Variants in SLC24A3 observed in about 807,000 individuals in gnomAD.
The protein encoded by SLC24A3 is solute carrier family 24 member 3.
In SLC24A3, 28 loss-of-function variants were observed where a neutral mutation model predicts 75.8. The ratio of observed to expected loss-of-function variants is 0.37; its 90% CI spans 0.27 to 0.51. SLC24A3 has a LOEUF of 0.51. SLC24A3 is among the 20% of genes least tolerant of loss of function. The probability of loss-of-function intolerance (pLI) is 0.94; values close to 1 mark genes in which losing one functional copy is unlikely to be tolerated. For synonymous variants in SLC24A3, 372 were observed against 334.1 expected (o/e 1.11, Z -1.24); for missense variants, 663 against 847.8 (o/e 0.78, Z 2.71).
At chr20:19,254,576 G>A (rs574954261) in intron 1 of SLC24A3, among the ~76,000 whole-genome samples, 16 of 152,256 alleles carry the variant, frequency 1.1e-4, no homozygotes, top group Admixed American at 8.5e-4. Context: ...TATAACACGC[G>A]TGATGACAAG....
intron 12 of SLC24A3, among the ~76,000 whole-genome samples, chr20:19,689,116 T>C (rs985084318): frequency 3.3e-5 from 5 of 152,186 alleles, no homozygotes; most frequent in African/African-American, 7.2e-5. Context: ...GGTAAACACA[T>C]TTCCATGGGA....
intron 6 of SLC24A3, among the ~76,000 whole-genome samples, chr20:19,626,922 A>G (rs1214255241): frequency 6.6e-6 from 1 of 152,250 alleles, no homozygotes; most frequent in Admixed American, 6.5e-5. Flanking sequence ...AAAAGATCAC[A>G]GTGGAAAGTC....
At chr20:19,471,679 C>G (rs971276376) in intron 2 of SLC24A3, among the ~76,000 whole-genome samples, 1 of 152,150 alleles carries the variant, frequency 6.6e-6, no homozygotes, top group Non-Finnish European at 1.5e-5. Flanking sequence ...GCCCATCACT[C>G]TGTCGGGGAA....
At chr20:19,672,507 T>C (rs2032480300) in intron 8 of SLC24A3, among the ~76,000 whole-genome samples, 2 of 152,174 alleles carry the variant, frequency 1.3e-5, no homozygotes, top group Admixed American at 1.3e-4. Flanking sequence ...GGCTAATTTT[T>C]TAATTTTTTT....
intron 2 of SLC24A3, among the ~76,000 whole-genome samples, chr20:19,383,414 C>T (rs6106068): frequency 6.6e-6 from 1 of 152,020 alleles, no homozygotes; most frequent in East Asian, 1.9e-4. Flanking sequence ...AGGCAAAAAC[C>T]GAATGACCAT....
At chr20:19,668,743 A>G (rs895791924) in intron 8 of SLC24A3, among the ~76,000 whole-genome samples, 2 of 152,206 alleles carry the variant, frequency 1.3e-5, no homozygotes, top group Admixed American at 1.3e-4. Context: ...TGATTTTAGT[A>G]GCAGGTACTA....
chr20:19,251,361 A>G (rs1982648312), intron 1 of SLC24A3, among the ~76,000 whole-genome samples: 1 of 152,228 alleles, frequency 6.6e-6, no homozygotes, highest in South Asian at 2.1e-4. Flanking sequence ...CAGACAGGGA[A>G]GAAAAGTAAG....
At chr20:19,696,214 T>TC (rs2032804418) in intron 13 of SLC24A3, 2 of 152,176 alleles carry the variant, frequency 1.3e-5, no homozygotes, top group African/African-American at 4.8e-5. Context: ...AGACAAGGTC[T>TC]CACTATGTTG....
chr20:19,576,406 A>G (rs1358842587), intron 3 of SLC24A3, among the ~76,000 whole-genome samples: 1 of 152,066 alleles, frequency 6.6e-6, no homozygotes, highest in East Asian at 1.9e-4. Flanking sequence ...TGCTGCAGGA[A>G]CCTGTTTTCC....
intron 2 of SLC24A3, among the ~76,000 whole-genome samples, chr20:19,303,718 C>T (rs756799928): frequency 4.0e-4 from 61 of 152,036 alleles, no homozygotes; most frequent in Middle Eastern, 3.2e-3. Context: ...TAGAGGAGAC[C>T]GTAAATGTTC....
intron 2 of SLC24A3, among the ~76,000 whole-genome samples, chr20:19,354,839 A>C (rs1398124120): frequency 6.6e-6 from 1 of 152,104 alleles, no homozygotes; most frequent in Non-Finnish European, 1.5e-5. Context: ...TGGTACAGCT[A>C]CCTTGGAAAA....
At chr20:19,280,664 A>G (rs1157362286) in intron 1 of SLC24A3, among the ~76,000 whole-genome samples, 1 of 152,162 alleles carries the variant, frequency 6.6e-6, no homozygotes, top group African/African-American at 2.4e-5. Flanking sequence ...GGGAGCAGGG[A>G]ATTGAGACAG....
At chr20:19,603,451 G>A (rs139787246) in intron 6 of SLC24A3, among the ~76,000 whole-genome samples, 1 of 152,290 alleles carries the variant, frequency 6.6e-6, no homozygotes, top group East Asian at 1.9e-4. Flanking sequence ...GCCGGCTCTT[G>A]GTGCTCACGT....
At chr20:19,518,894 T>C (rs1568642241) in intron 3 of SLC24A3, among the ~76,000 whole-genome samples, 1 of 152,150 alleles carries the variant, frequency 6.6e-6, no homozygotes, top group Non-Finnish European at 1.5e-5. Flanking sequence ...CTAGGGAATA[T>C]CCAGAAGGGA....
intron 12 of SLC24A3, among the ~76,000 whole-genome samples, chr20:19,691,118 A>G (rs926195768): frequency 3.3e-5 from 5 of 152,260 alleles, no homozygotes; most frequent in African/African-American, 1.2e-4. Context: ...GAGACTGAAA[A>G]TAAATTAAGA....
chr20:19,217,505 T>C (rs1295648342), intron 1 of SLC24A3, among the ~76,000 whole-genome samples: 1 of 152,230 alleles, frequency 6.6e-6, no homozygotes, highest in East Asian at 1.9e-4. Flanking sequence ...CATGAAAATA[T>C]TGCTGCTTAT....
intron 2 of SLC24A3, among the ~76,000 whole-genome samples, chr20:19,482,333 TC>T (rs1481169696): frequency 6.6e-6 from 1 of 151,992 alleles, no homozygotes; most frequent in Admixed American, 6.6e-5. Flanking sequence ...TTGTCCTCCC[TC>T]CCCCAGGCTT....
chr20:19,632,763 T>A (rs75334880), intron 6 of SLC24A3, among the ~76,000 whole-genome samples: 7,897 of 152,162 alleles, frequency 0.052, 291 homozygotes, highest in Non-Finnish European at 0.067. Flanking sequence ...AGAATAGGTG[T>A]CCCTGACAAC....
chr20:19,475,058 G>A (rs940851243), intron 2 of SLC24A3, among the ~76,000 whole-genome samples: 2 of 152,196 alleles, frequency 1.3e-5, no homozygotes, highest in African/African-American at 4.8e-5. Flanking sequence ...TCACATCCAG[G>A]CTGGGCGCGG....
Sources: gnomAD v4.1 joint callset for allele counts (sites outside exome capture counted in the v4.1 genomes callset) on GRCh38, gnomAD v4.1.1 for gene constraint, MANE v1.5 for transcripts, NCBI Gene and HGNC (gene_info 2026-07-23, HGNC 2026-07-21) for gene names.